Variants in WIPF1 observed in about 807,000 individuals in gnomAD.
WIPF1 encodes the protein WAS/WASL-interacting protein family member 1.
In WIPF1, 13 loss-of-function variants were observed where a neutral mutation model predicts 35.4. That is an observed-to-expected ratio of 0.37 (90% CI 0.24 to 0.58). The LOEUF (loss-of-function observed/expected upper bound fraction) is 0.58. Among genes scored for constraint, WIPF1 ranks in the 20% least tolerant of loss-of-function variants. The pLI is 0.74. For synonymous variants in WIPF1, 267 were observed against 266.3 expected, an observed-to-expected ratio of 1.00 and a Z score of -0.02; for missense variants, 591 against 667.0, an observed-to-expected ratio of 0.89 and a Z score of 1.25.
intron 1 of WIPF1, among the ~76,000 whole-genome samples, chr2:174,647,727 TA>T (rs1311610231): frequency 6.6e-6 from 1 of 150,896 alleles, no homozygotes; most frequent in Non-Finnish European, 1.5e-5. Flanking sequence ...GCCTCATGGC[TA>T]ATGAGAAAAT....
chr2:174,585,238 T>C (rs141870499), intron 2 of WIPF1, among the ~76,000 whole-genome samples: 2 of 152,312 alleles, frequency 1.3e-5, no homozygotes, highest in African/African-American at 2.4e-5. Flanking sequence ...GCAAACCCTA[T>C]CTTGGGCCAG....
Position 174,572,294 on chromosome 2 carries a change from G to A in WIPF1, c.511C>T (p.Pro171Ser), listed in dbSNP as rs1684894209. Reference protein sequence around the residue: ...PPEPQRNRMPPPRPDVGSKPD... With the variant: ...PPEPQRNRMPSPRPDVGSKPD... Reference sequence around the variant, plus strand: ...TTTGAGCCCACGTCGGGCCTTGGGGGCGGCATTCGGTTCCTCTGAGGCTCT... The same window carrying A: ...TTTGAGCCCACGTCGGGCCTTGGGGACGGCATTCGGTTCCTCTGAGGCTCT... Residue 171 changes from proline to serine, a missense_variant, in exon 5 of 8, where the codon CCC becomes TCC. Physicochemically the swap from Pro to Ser is moderately conservative, Grantham distance 74. Coordinates refer to ENST00000679041, the MANE Select transcript of WIPF1 (RefSeq NM_001375834.1). 6.2e-7 allele frequency: 1 copy of A among 1,614,034 alleles called. No homozygotes were observed. Among genetic ancestry groups the A allele is most frequent in the Non-Finnish European group, 8.5e-7 (1 of 1,180,026 alleles).
intron 3 of WIPF1, among the ~76,000 whole-genome samples, chr2:174,576,098 A>G (rs979750613): frequency 5.3e-5 from 8 of 151,770 alleles, no homozygotes; most frequent in Non-Finnish European, 1.0e-4. Flanking sequence ...TACGAAAATA[A>G]ACAACAACAA....
intron 1 of WIPF1, among the ~76,000 whole-genome samples, chr2:174,626,221 C>A (rs1359492449): frequency 6.6e-6 from 1 of 152,086 alleles, no homozygotes; most frequent in Non-Finnish European, 1.5e-5. Flanking sequence ...AAGTTTTAAG[C>A]AATAAGAAGC....
chr2:174,560,157 A>G lies in WIPF1; in HGVS notation c.*2390T>C, dbSNP rs555215240. 1.3e-5 allele frequency: 2 copies of G among 152,744 alleles called. No individual in the cohort carries two copies. The highest frequency in any genetic ancestry group is 2.1e-4 in the South Asian group (1 of 4,828). 9.5% of individuals were successfully genotyped at this position (152,744 alleles called of 1,614,324 possible). A position where few individuals can be genotyped will look rare whatever the true frequency, so the allele number is the denominator to read the frequency against. On this transcript the variant is annotated 3_prime_UTR_variant, in exon 8 of 8. Transcript: ENST00000679041. ...GAAAAATTCATTTTTGTAATTTTCC[A>G]TAGTTTAAGATTTTACCACAGAACT...
chr2:174,587,973 A>C (rs1391363857), intron 1 of WIPF1, among the ~76,000 whole-genome samples: 1 of 152,214 alleles, frequency 6.6e-6, no homozygotes, highest in Non-Finnish European at 1.5e-5. Context: ...TTCTGGCATG[A>C]CATCAATTAG....
chr2:174,564,683 A>G (rs569292814), intron 7 of WIPF1, among the ~76,000 whole-genome samples: 1 of 152,268 alleles, frequency 6.6e-6, no homozygotes, highest in South Asian at 2.1e-4. Context: ...AATATTTAGA[A>G]TAAGAAGCAA....
At chr2:174,653,463 C>T (rs1023599885) in intron 1 of WIPF1, among the ~76,000 whole-genome samples, 5 of 151,840 alleles carry the variant, frequency 3.3e-5, no homozygotes, top group African/African-American at 1.2e-4. Flanking sequence ...AGGCCGGGTG[C>T]GGTGGCTCAC....
intron 1 of WIPF1, among the ~76,000 whole-genome samples, chr2:174,589,329 C>A (rs1014972159): frequency 6.6e-6 from 1 of 152,238 alleles, no homozygotes; most frequent in Admixed American, 6.5e-5. Flanking sequence ...CCCAGCATCA[C>A]CCCACCGCAC....
chr2:174,665,905 G>C (rs1687881241), intron 1 of WIPF1, among the ~76,000 whole-genome samples: 1 of 152,126 alleles, frequency 6.6e-6, no homozygotes, highest in Admixed American at 6.5e-5. Context: ...TGGAGGAATG[G>C]GGCTCTACTC....
chr2:174,596,350 G>A (rs545605585), intron 1 of WIPF1, among the ~76,000 whole-genome samples: 4 of 152,196 alleles, frequency 2.6e-5, no homozygotes, highest in Non-Finnish European at 4.4e-5. Flanking sequence ...CAGTACAGAA[G>A]AACAAAGCTT....
chr2:174,621,172 T>C (rs1236844659), intron 1 of WIPF1, among the ~76,000 whole-genome samples: 1 of 152,186 alleles, frequency 6.6e-6, no homozygotes, highest in Non-Finnish European at 1.5e-5. Context: ...GACAACCAGG[T>C]TGCAGGCTTA....
intron 1 of WIPF1, among the ~76,000 whole-genome samples, chr2:174,670,827 T>C (rs1688000594): frequency 6.6e-6 from 1 of 152,216 alleles, no homozygotes; most frequent in South Asian, 2.1e-4. Flanking sequence ...ATCGCTGCCA[T>C]CATAGTGAAT....
At chr2:174,580,371 A>G (rs1434797640) in intron 3 of WIPF1, among the ~76,000 whole-genome samples, 1 of 152,140 alleles carries the variant, frequency 6.6e-6, no homozygotes, top group Admixed American at 6.5e-5. Context: ...CCAGTAGTCC[A>G]CCTAACTCTG....
At chr2:174,563,524 C>T (rs543853487) in intron 7 of WIPF1, among the ~76,000 whole-genome samples, 49 of 152,224 alleles carry the variant, frequency 3.2e-4, no homozygotes, top group Non-Finnish European at 6.2e-4. Context: ...GCCAAGATTG[C>T]GCCACTGCAC....
chr2:174,660,624 T>C (rs1002674029), intron 1 of WIPF1, among the ~76,000 whole-genome samples: 27 of 152,106 alleles, frequency 1.8e-4, no homozygotes, highest in African/African-American at 6.3e-4. Context: ...ATCTGCTCAC[T>C]GCTTGAGGCA....
intron 1 of WIPF1, among the ~76,000 whole-genome samples, chr2:174,653,502 G>A (rs187902760): frequency 6.6e-6 from 1 of 151,984 alleles, no homozygotes; most frequent in Admixed American, 6.6e-5. Flanking sequence ...TTGGCAGGCC[G>A]AGGCGGGCAG....
chr2:174,656,252 T>G (rs1687638199), intron 1 of WIPF1: 1 of 152,122 alleles, frequency 6.6e-6, no homozygotes, highest in African/African-American at 2.4e-5. Context: ...CATCCAAGAG[T>G]GCAGAATTTC....
chr2:174,579,482 G>A (rs1404626767), intron 3 of WIPF1, among the ~76,000 whole-genome samples: 1 of 152,136 alleles, frequency 6.6e-6, no homozygotes, highest in Non-Finnish European at 1.5e-5. Flanking sequence ...CATGCAAACA[G>A]ATACAAAACT....
Sources: gnomAD v4.1 joint callset for allele counts (sites outside exome capture counted in the v4.1 genomes callset) on GRCh38, gnomAD v4.1.1 for gene constraint, MANE v1.5 for transcripts, NCBI Gene and HGNC (gene_info 2026-07-23, HGNC 2026-07-21) for gene names.